FRMD5: variants seen among roughly 807,000 people sequenced by gnomAD.
FRMD5 encodes FERM domain-containing protein 5.
In FRMD5, 20 loss-of-function variants were observed where a neutral mutation model predicts 69.0. The ratio of observed to expected loss-of-function variants is 0.29; its 90% confidence interval spans 0.20 to 0.42. The LOEUF is 0.42. Among genes scored for constraint, FRMD5 ranks in the 10% least tolerant of loss-of-function variants. FRMD5 has a pLI of 1.00. For synonymous variants in FRMD5, 271 were observed against 260.1 expected, an observed-to-expected ratio of 1.04 and a Z score of -0.40; for missense variants, 595 against 708.6, an observed-to-expected ratio of 0.84 and a Z score of 1.82.
intron 1 of FRMD5, among the ~76,000 whole-genome samples, chr15:43,999,916 T>C (rs1335376977): frequency 3.1e-4 from 2 of 6,524 alleles, no homozygotes; most frequent in Admixed American, 3.6e-3. Flanking sequence ...TATTTGTGTG[T>C]GTGTATGTAT....
intron 1 of FRMD5, among the ~76,000 whole-genome samples, chr15:44,149,657 A>G (rs989176173): frequency 6.6e-6 from 1 of 152,166 alleles, no homozygotes; most frequent in East Asian, 1.9e-4. Flanking sequence ...AGTTAACAAG[A>G]GACAAAGGAC....
At chr15:43,913,669 G>T (rs2140426928) in intron 4 of FRMD5, among the ~76,000 whole-genome samples, 1 of 152,338 alleles carries the variant, frequency 6.6e-6, no homozygotes, top group Non-Finnish European at 1.5e-5. Flanking sequence ...GCCAGGCAAG[G>T]GATCAGCCTG....
chr15:44,180,063 AAAAAAAAAAGGC>A (rs796872442), intron 1 of FRMD5, among the ~76,000 whole-genome samples: 1,701 of 151,292 alleles, frequency 0.011, 38 homozygotes, highest in African/African-American at 0.04. Flanking sequence ...AAAAAAAAAA[AAAAAAAAAAGGC>A]AAAAAAGGCA....
intron 1 of FRMD5, among the ~76,000 whole-genome samples, chr15:44,162,611 T>C (rs957573616): frequency 6.6e-6 from 1 of 152,104 alleles, no homozygotes; most frequent in Admixed American, 6.6e-5. Context: ...CTCACGCCTG[T>C]GATCCCAGCA....
chr15:44,073,962 T>G (rs1376460501), intron 1 of FRMD5, among the ~76,000 whole-genome samples: 1 of 152,208 alleles, frequency 6.6e-6, no homozygotes, highest in Non-Finnish European at 1.5e-5. Flanking sequence ...TCCAAATTTA[T>G]GTTAACAGTA....
intron 6 of FRMD5, among the ~76,000 whole-genome samples, chr15:43,903,931 C>A (rs1315228477): frequency 6.6e-6 from 1 of 152,244 alleles, no homozygotes. Context: ...CCCAACACCA[C>A]AGGCCCGTGT....
intron 7 of FRMD5, among the ~76,000 whole-genome samples, chr15:43,898,733 C>T (rs1175902604): frequency 6.6e-6 from 1 of 152,232 alleles, no homozygotes; most frequent in African/African-American, 2.4e-5. Context: ...TCATTCTCCT[C>T]CTCCAGCAGC....
intron 2 of FRMD5, among the ~76,000 whole-genome samples, chr15:43,921,219 C>T (rs760908592): frequency 2.2e-4 from 33 of 152,168 alleles, no homozygotes; most frequent in Non-Finnish European, 3.4e-4. Flanking sequence ...CCTATCTGTT[C>T]AGAGCACACT....
In FRMD5 at chr15:43,876,400, G is replaced by A. The variant is rs991752166; in HGVS notation, c.1136-1938C>T. On this transcript the variant is annotated intron_variant, in intron 13 of 13. Transcript: ENST00000417257. ...GGAGGGCTTTAAGAGGCAGGAATGG[G>A]CCAGACACGATGGCTCCCATCTGTA... Among the ~76,000 whole-genome samples, 102 of 152,260 alleles carry A rather than the reference G, an allele frequency of 6.7e-4. 1 individual carries two copies. Among genetic ancestry groups the A allele is most frequent in the African/African-American group, 2.3e-3 (97 of 41,524 alleles).
chr15:43,913,412 G>A (rs1482076380), intron 4 of FRMD5, among the ~76,000 whole-genome samples: 1 of 152,270 alleles, frequency 6.6e-6, no homozygotes, highest in African/African-American at 2.4e-5. Flanking sequence ...AGCTTCAAGA[G>A]AGAGAATGAG....
At chr15:44,176,740 A>G (rs2077901730) in intron 1 of FRMD5, among the ~76,000 whole-genome samples, 1 of 152,136 alleles carries the variant, frequency 6.6e-6, no homozygotes, top group Non-Finnish European at 1.5e-5. Context: ...CATTTCTCCC[A>G]AAAAGATATA....
chr15:43,940,346 C>T (rs564813075), intron 1 of FRMD5, among the ~76,000 whole-genome samples: 1 of 152,258 alleles, frequency 6.6e-6, no homozygotes, highest in East Asian at 1.9e-4. Flanking sequence ...ATTCTTCCCG[C>T]CCAGGGAGAC....
At chr15:43,875,361 A>ATATATATAT (rs1453890929) in intron 13 of FRMD5, among the ~76,000 whole-genome samples, 1 of 104,318 alleles carries the variant, frequency 9.6e-6, no homozygotes, top group African/African-American at 3.6e-5. Context: ...AAAAAAAAAA[A>ATATATATAT]AAATATATAT....
intron 1 of FRMD5, among the ~76,000 whole-genome samples, chr15:43,943,753 C>T (rs2089900082): frequency 6.6e-6 from 1 of 152,232 alleles, no homozygotes; most frequent in African/African-American, 2.4e-5. Context: ...AAGAATTCTT[C>T]CCTAGAGTCT....
At chr15:44,140,159 A>G (rs2077247633) in intron 1 of FRMD5, among the ~76,000 whole-genome samples, 1 of 152,116 alleles carries the variant, frequency 6.6e-6, no homozygotes, top group Non-Finnish European at 1.5e-5. Flanking sequence ...AGCACATAAG[A>G]CATTTATAAA....
At chr15:43,918,589 C>T (rs2089438138) in intron 4 of FRMD5, among the ~76,000 whole-genome samples, 2 of 152,174 alleles carry the variant, frequency 1.3e-5, no homozygotes, top group African/African-American at 2.4e-5. Context: ...GCTGTCTCCA[C>T]GGTCTTAGGG....
At chr15:43,876,245 C>T (rs2088353511) in intron 13 of FRMD5, 1 of 1,546,692 alleles carries the variant, frequency 6.5e-7, no homozygotes, top group Admixed American at 1.9e-5. Context: ...TGGGCGGCAT[C>T]TTGGAAGCTT....
chr15:44,147,465 T>C (rs1402756609), intron 1 of FRMD5, among the ~76,000 whole-genome samples: 3 of 152,186 alleles, frequency 2.0e-5, no homozygotes. Context: ...GGGCTCTTTT[T>C]TGGTTTCATA....
chr15:43,964,132 T>C (rs185574072), intron 1 of FRMD5, among the ~76,000 whole-genome samples: 3 of 152,194 alleles, frequency 2.0e-5, no homozygotes, highest in Non-Finnish European at 4.4e-5. Flanking sequence ...ATGCAACTTT[T>C]GTTATAATCA....
Sources: allele counts gnomAD v4.1 joint callset (sites outside exome capture counted in the v4.1 genomes callset), GRCh38; gene constraint gnomAD v4.1.1; transcripts MANE v1.5; gene names NCBI Gene and HGNC (gene_info 2026-07-23, HGNC 2026-07-21).